PLCG2: variants seen among roughly 807,000 people sequenced by gnomAD.
PLCG2 encodes 1-phosphatidylinositol 4,5-bisphosphate phosphodiesterase gamma-2.
Under a neutral mutation model 175.6 loss-of-function variants are expected in PLCG2, and 69 were observed. The ratio of observed to expected loss-of-function variants is 0.39; its 90% confidence interval spans 0.32 to 0.48. PLCG2 has a LOEUF of 0.48. PLCG2 is among the 20% of genes least tolerant of loss of function. The pLI, the probability that PLCG2 is intolerant of heterozygous loss-of-function variation, is 0.91. For missense variants in PLCG2, 1,798 were observed against 1,650.9 expected, an observed-to-expected ratio of 1.09 and a Z score of -1.54; for synonymous variants, 827 against 624.0, an observed-to-expected ratio of 1.33 and a Z score of -4.85.
At chr16:81,778,016 C>CAAAAAAAAAAAAAAAAAAAAAAAAAAA (rs753644088), upstream of PLCG2, among the ~76,000 whole-genome samples, 1 of 49,082 alleles carries the variant, frequency 2.0e-5, no homozygotes, top group Non-Finnish European at 3.5e-5. Flanking sequence ...GACTTTGTCT[C>CAAAAAAAAAAAAAAAAAAAAAAAAAAA]AAAAAAAAAA....
intron 2 of PLCG2, among the ~76,000 whole-genome samples, chr16:81,802,407 C>T (rs180682402): frequency 5.3e-5 from 8 of 151,950 alleles, no homozygotes; most frequent in Admixed American, 6.5e-5. Flanking sequence ...CCACCGCGCC[C>T]GGCCTCAGGT....
chr16:81,859,528 A>G (rs1211913565), intron 5 of PLCG2, among the ~76,000 whole-genome samples: 1 of 150,848 alleles, frequency 6.6e-6, no homozygotes, highest in Non-Finnish European at 1.5e-5. Context: ...TGAAGAAGTA[A>G]ACCAGGTGGT....
chr16:81,853,839 G>C (rs1906545261), intron 2 of PLCG2, among the ~76,000 whole-genome samples: 1 of 152,144 alleles, frequency 6.6e-6, no homozygotes, highest in African/African-American at 2.4e-5. Context: ...CAGAGTCATA[G>C]TTTACCACTC....
rs537237488 is a variant in PLCG2 at position 81,961,678 on chromosome 16, G to T, written c.*3680G>T. 6.1e-5 allele frequency: 13 copies of T among 211,950 alleles called. No homozygotes were observed. The East Asian group carries it at 9.3e-4, about 15-fold the overall frequency. The allele number at this position is 211,950 out of a possible 1,614,324, so 13.1% of individuals were successfully genotyped here. A position where few individuals can be genotyped will look rare whatever the true frequency, so the allele number is the denominator to read the frequency against. On this transcript the variant is annotated 3_prime_UTR_variant, in exon 33 of 33. Coordinates refer to ENST00000564138, the MANE Select transcript of PLCG2 (RefSeq NM_002661.5). ...AGGTAAGACTGATCATAAAAAAATG[G>T]CCCTGTTCATAAAATTTTTAAAAAG...
At chr16:81,819,997 C>G (rs1226265682) in intron 2 of PLCG2, among the ~76,000 whole-genome samples, 1 of 152,180 alleles carries the variant, frequency 6.6e-6, no homozygotes, top group African/African-American at 2.4e-5. Context: ...AAAAATATCT[C>G]CCATTGACTA....
intron 2 of PLCG2, among the ~76,000 whole-genome samples, chr16:81,768,619 G>A (rs921813678): frequency 1.3e-4 from 18 of 138,286 alleles, no homozygotes; most frequent in African/African-American, 4.9e-4. Flanking sequence ...AGGCTGGAGT[G>A]CAATGGTGCG....
At chr16:81,897,978 A>T (rs1293630360) in intron 13 of PLCG2, 4 of 416,098 alleles carry the variant, frequency 9.6e-6, no homozygotes, top group Non-Finnish European at 2.0e-5. Flanking sequence ...TGATTTCTCC[A>T]TCGCAGCATT....
chr16:81,951,241 C>T (rs1379101413), intron 31 of PLCG2, among the ~76,000 whole-genome samples: 9 of 152,280 alleles, frequency 5.9e-5, no homozygotes, highest in South Asian at 4.1e-4. Context: ...TGGAATTACA[C>T]GTGTCAGCCA....
rs191839304 is a variant in PLCG2, at chr16:81,905,528, G to C, written c.1467+21G>C. On this transcript the variant is annotated intron_variant, in intron 15 of 32. Transcript: ENST00000564138. ...ACCAGGTGGGCCTTGGTCCCTTCCC[G>C]TAGCCACTGCGGCCACGCCCCTTGC... is the stretch of plus-strand genomic sequence containing the variant. 6 of 1,556,178 alleles carry C rather than the reference G, an allele frequency of 3.9e-6. No homozygotes were observed. In the African/African-American group the frequency reaches 8.1e-5, roughly 21 times the overall value.
intron 15 of PLCG2, among the ~76,000 whole-genome samples, chr16:81,907,082 G>A (rs1909405705): frequency 6.7e-6 from 1 of 148,678 alleles, no homozygotes; most frequent in East Asian, 2.0e-4. Flanking sequence ...CATGGCACAT[G>A]TATACATATG....
chr16:81,858,438 G>A (rs202068485), intron 4 of PLCG2, 82 bp downstream of exon 4: 482 of 579,884 alleles, frequency 8.3e-4, no homozygotes, highest in African/African-American at 5.8e-3. Context: ...CTACAGGGGG[G>A]AAAAAAAAAA....
rs567955046 is a variant in PLCG2, at chr16:81,956,961, G to T, written c.3755+82G>T. 8.5e-5 allele frequency: 105 copies of T among 1,238,336 alleles called. 1 individual carries two copies. In the South Asian group the frequency reaches 1.4e-3, roughly 16 times the overall value. The allele number at this position is 1,238,336 out of a possible 1,614,324, so 76.7% of individuals were successfully genotyped here. A position where few individuals can be genotyped will look rare whatever the true frequency, so the allele number is the denominator to read the frequency against. ...ATGGGCACCACGGGCCAGGCTTCTG[G>T]AAAGCCCTCTGAGTTGCTTTCTTCA... On this transcript the variant is annotated intron_variant, in intron 32 of 32. Coordinates refer to ENST00000564138, the MANE Select transcript of PLCG2 (RefSeq NM_002661.5).
At chr16:81,833,339 C>A (rs545272895) in intron 2 of PLCG2, among the ~76,000 whole-genome samples, 48 of 152,184 alleles carry the variant, frequency 3.2e-4, no homozygotes, top group African/African-American at 1.1e-3. Context: ...TGTCCACACC[C>A]CCAGGGTCCT....
At chr16:81,876,076 G>T (rs552276291) in intron 7 of PLCG2, among the ~76,000 whole-genome samples, 1 of 147,942 alleles carries the variant, frequency 6.8e-6, no homozygotes, top group African/African-American at 2.5e-5. Context: ...CCGAGGCTGG[G>T]GTGCAGTGGT....
chr16:81,935,460 G>C (rs1910668879), intron 26 of PLCG2: 10 of 899,758 alleles, frequency 1.1e-5, no homozygotes, highest in Non-Finnish European at 1.3e-5. Flanking sequence ...CATTCTCCAG[G>C]TAGCAAGCTT....
intron 1 of PLCG2, among the ~76,000 whole-genome samples, chr16:81,783,983 C>T (rs72834731): frequency 3.5e-3 from 532 of 152,316 alleles, no homozygotes; most frequent in Non-Finnish European, 6.5e-3. Flanking sequence ...CCTAGCCACA[C>T]TCCAGATTAA....
chr16:81,824,867 C>T (rs1291966529), intron 2 of PLCG2, among the ~76,000 whole-genome samples: 1 of 152,136 alleles, frequency 6.6e-6, no homozygotes, highest in African/African-American at 2.4e-5. Flanking sequence ...AGGGAAAGAT[C>T]TTGAGATGGG....
intron 8 of PLCG2, among the ~76,000 whole-genome samples, chr16:81,882,828 CTT>C (rs1908154389): frequency 6.6e-6 from 1 of 152,178 alleles, no homozygotes; most frequent in African/African-American, 2.4e-5. Context: ...AAGTAGGTGC[CTT>C]TTCCTCAGGA....
intron 1 of PLCG2, 45 bp from the exon 2 acceptor site, chr16:81,785,898 C>A: frequency 8.2e-7 from 1 of 1,215,568 alleles, no homozygotes; most frequent in South Asian, 1.4e-5. Context: ...AACTAAACCC[C>A]TTTCAGTACT....
Sources: allele counts gnomAD v4.1 joint callset (sites outside exome capture counted in the v4.1 genomes callset), GRCh38; gene constraint gnomAD v4.1.1; transcripts MANE v1.5; gene names NCBI Gene and HGNC (gene_info 2026-07-23, HGNC 2026-07-21).